CAST: variants seen among roughly 807,000 people sequenced by gnomAD.
The protein encoded by CAST is calpastatin.
A neutral mutation model predicts 119.6 loss-of-function variants in CAST; 76 were observed. That is an observed-to-expected ratio of 0.64 (90% CI 0.53 to 0.77). CAST has a LOEUF of 0.77. Among genes scored for constraint, CAST ranks in the 30% least tolerant of loss-of-function variants. The pLI is 0.00. For missense variants in CAST, 953 were observed against 946.5 expected, an observed-to-expected ratio of 1.01 and a Z score of -0.09; for synonymous variants, 319 against 331.6, an observed-to-expected ratio of 0.96 and a Z score of 0.41.
the CAST span, among the ~76,000 whole-genome samples, chr5:96,342,705 C>T: frequency 1.3e-5 from 2 of 152,288 alleles, no homozygotes; most frequent in South Asian, 2.1e-4. Context: ...CATAGCTAGC[C>T]GTATGACTCC....
chr5:96,553,692 C>T (rs548886727), intron 1 of CAST, among the ~76,000 whole-genome samples: 30 of 152,300 alleles, frequency 2.0e-4, no homozygotes, highest in African/African-American at 7.2e-4. Flanking sequence ...AGCTGATAAG[C>T]AACTTCAGCA....
the CAST span, among the ~76,000 whole-genome samples, chr5:96,071,875 A>T: frequency 6.6e-6 from 1 of 152,200 alleles, no homozygotes. Flanking sequence ...AAATGAAGAA[A>T]TGATTGGTCA....
intron 1 of CAST, among the ~76,000 whole-genome samples, chr5:96,542,615 A>C (rs769288779): frequency 2.6e-4 from 39 of 152,218 alleles, no homozygotes; most frequent in Non-Finnish European, 4.4e-4. Context: ...ATATGTTCTT[A>C]TATTTTGCCC....
chr5:96,594,707 T>C (rs1747025932), intron 1 of CAST, among the ~76,000 whole-genome samples: 1 of 152,356 alleles, frequency 6.6e-6, no homozygotes, highest in African/African-American at 2.4e-5. Context: ...CAAATTTTTA[T>C]TTTGCAGTAA....
chr5:96,568,308 T>C (rs1007500260), intron 1 of CAST, among the ~76,000 whole-genome samples: 1 of 152,220 alleles, frequency 6.6e-6, no homozygotes, highest in East Asian at 1.9e-4. Context: ...CTCACGCCTG[T>C]AATCTCAGCA....
rs78969965 is a variant in CAST at position 96,622,576 on chromosome 5, A to G, written c.61-52963A>G. 2.6e-3 allele frequency among the ~76,000 whole-genome samples: 393 copies of G among 152,238 alleles called. 3 individuals are homozygous for G. The highest frequency in any genetic ancestry group is 9.2e-3 in the African/African-American group (381 of 41,552). ...TAGCTGAAGATCTTTCTGTCCCTCA[A>G]TGCTGGTGAGCAGCCCCACATTGAA... On this transcript the variant is annotated intron_variant, in intron 1 of 11. Transcript: ENST00000505143.
chr5:96,235,664 A>C, the CAST span, among the ~76,000 whole-genome samples: 16 of 152,292 alleles, frequency 1.1e-4, no homozygotes, highest in South Asian at 3.3e-3. Context: ...AAGGTCAACT[A>C]TCTTTTCTCT....
At chr5:96,105,241 T>C in the CAST span, among the ~76,000 whole-genome samples, 1 of 152,180 alleles carries the variant, frequency 6.6e-6, no homozygotes, top group Non-Finnish European at 1.5e-5. Flanking sequence ...TTCTCCTGCC[T>C]GATTGCCCTG....
At chr5:96,265,441 A>G in the CAST span, among the ~76,000 whole-genome samples, 3 of 152,130 alleles carry the variant, frequency 2.0e-5, no homozygotes, top group African/African-American at 7.2e-5. Flanking sequence ...GCCATGGGGT[A>G]GAGGTTGGAG....
At chr5:96,144,607 T>C in the CAST span, among the ~76,000 whole-genome samples, 1 of 152,180 alleles carries the variant, frequency 6.6e-6, no homozygotes, top group Non-Finnish European at 1.5e-5. Flanking sequence ...CTTTGGCCTC[T>C]TTTGCTTCTT....
intron 1 of CAST, among the ~76,000 whole-genome samples, chr5:96,555,077 C>T (rs1580822102): frequency 6.6e-6 from 1 of 152,342 alleles, no homozygotes; most frequent in East Asian, 1.9e-4. Context: ...GCTTATAAAT[C>T]ATCTATGATA....
chr5:96,715,764 C>T (rs555578966), intron 3 of CAST, among the ~76,000 whole-genome samples: 1 of 152,306 alleles, frequency 6.6e-6, no homozygotes, highest in Non-Finnish European at 1.5e-5. Context: ...TAGTCTCCCT[C>T]TTCTGACCGC....
chr5:96,480,891 G>A, the CAST span, among the ~76,000 whole-genome samples: 1 of 152,204 alleles, frequency 6.6e-6, no homozygotes, highest in Non-Finnish European at 1.5e-5. Flanking sequence ...AGCAAATGGA[G>A]ATAGCAGGAA....
At chr5:96,259,409 A>T in the CAST span, among the ~76,000 whole-genome samples, 2 of 152,348 alleles carry the variant, frequency 1.3e-5, no homozygotes, top group East Asian at 3.9e-4. Context: ...ATGTGAATTT[A>T]GTATAAACCA....
the CAST span, among the ~76,000 whole-genome samples, chr5:96,180,149 C>A: frequency 6.6e-6 from 1 of 152,170 alleles, no homozygotes; most frequent in Non-Finnish European, 1.5e-5. Context: ...GTCAGAGAGG[C>A]TTCCTGAGGC....
At chr5:96,217,310 G>A in the CAST span, among the ~76,000 whole-genome samples, 5 of 148,278 alleles carry the variant, frequency 3.4e-5, no homozygotes, top group Admixed American at 1.4e-4. Flanking sequence ...CAAAGTGCTC[G>A]GATCATAGGC....
At chr5:96,443,044 T>C in the CAST span, among the ~76,000 whole-genome samples, 1 of 152,130 alleles carries the variant, frequency 6.6e-6, no homozygotes, top group African/African-American at 2.4e-5. Flanking sequence ...TTATTATCTC[T>C]TCAGAGAAAA....
chr5:96,352,983 T>C, the CAST span, among the ~76,000 whole-genome samples: 1 of 152,180 alleles, frequency 6.6e-6, no homozygotes, highest in South Asian at 2.1e-4. Context: ...TTAAACCTCT[T>C]TTCCTTATAA....
At chr5:95,986,564 T>G in the CAST span, among the ~76,000 whole-genome samples, 2 of 152,170 alleles carry the variant, frequency 1.3e-5, no homozygotes, top group African/African-American at 4.8e-5. Flanking sequence ...TAAATTCCTC[T>G]TTTTAACTTT....
Sources: allele counts gnomAD v4.1 joint callset (sites outside exome capture counted in the v4.1 genomes callset), GRCh38; gene constraint gnomAD v4.1.1; transcripts MANE v1.5; gene names NCBI Gene and HGNC (gene_info 2026-07-23, HGNC 2026-07-21).